PAMR1: variants seen among roughly 807,000 people sequenced by gnomAD.
The protein encoded by PAMR1 is peptidase domain containing associated with muscle regeneration 1.
A neutral mutation model predicts 81.8 loss-of-function variants in PAMR1; 88 were observed. That is an observed-to-expected ratio of 1.08 (90% confidence interval 0.91 to 1.28). PAMR1 has a LOEUF of 1.28. PAMR1 is among the 50% of genes most tolerant of loss of function. The pLI is 0.00. For missense variants in PAMR1, 935 were observed against 919.7 expected, an observed-to-expected ratio of 1.02 and a Z score of -0.21; for synonymous variants, 336 against 345.3, an observed-to-expected ratio of 0.97 and a Z score of 0.30.
chr11:35,483,304 T>C (rs990288335), intron 3 of PAMR1, among the ~76,000 whole-genome samples: 3 of 152,172 alleles, frequency 2.0e-5, no homozygotes, highest in Admixed American at 1.3e-4. Context: ...ACTACAAGAC[T>C]GGGAAGCTGT....
At chr11:35,488,516 C>T (rs146920585) in intron 3 of PAMR1, among the ~76,000 whole-genome samples, 5 of 151,012 alleles carry the variant, frequency 3.3e-5, no homozygotes, top group Admixed American at 6.6e-5. Flanking sequence ...CCACTGCACC[C>T]GGCCTTTCCC....
intron 4 of PAMR1, among the ~76,000 whole-genome samples, chr11:35,474,250 G>T (rs1402885847): frequency 2.0e-5 from 3 of 152,196 alleles, no homozygotes; most frequent in African/African-American, 7.2e-5. Context: ...ACAAGCATCA[G>T]CCCCAATCTA....
intron 7 of PAMR1, among the ~76,000 whole-genome samples, chr11:35,440,610 A>C (rs531980241): frequency 1.3e-5 from 2 of 152,318 alleles, no homozygotes; most frequent in Non-Finnish European, 2.9e-5. Context: ...CCTGCCCCCA[A>C]ATAGAGAGGA....
At chr11:35,523,923 G>GAAA (rs1851332876) in intron 1 of PAMR1, among the ~76,000 whole-genome samples, 1 of 152,292 alleles carries the variant, frequency 6.6e-6, no homozygotes, top group South Asian at 2.1e-4. Flanking sequence ...TCTGGGCTAG[G>GAAA]AAAAAGAGCC....
chr11:35,514,111 G>A (rs764854982), intron 1 of PAMR1, among the ~76,000 whole-genome samples: 11 of 152,088 alleles, frequency 7.2e-5, no homozygotes, highest in East Asian at 5.8e-4. Flanking sequence ...GGACAACCAC[G>A]GACAAGAAAC....
At chr11:35,432,959 G>T in intron 10 of PAMR1, 67 bp from the exon 11 acceptor site, 1 of 1,399,832 alleles carries the variant, frequency 7.1e-7, no homozygotes, top group African/African-American at 1.4e-5. Context: ...AACAGACAAG[G>T]CTTGGAGCTA....
intron 3 of PAMR1, among the ~76,000 whole-genome samples, chr11:35,483,799 T>A (rs1477604930): frequency 6.6e-6 from 1 of 152,234 alleles, no homozygotes; most frequent in Non-Finnish European, 1.5e-5. Context: ...TGAGCTATGA[T>A]TGATGAGTTC....
At chr11:35,439,744 C>G (rs1204382168) in intron 7 of PAMR1, 51 bp from the exon 8 acceptor site, 4 of 1,480,988 alleles carry the variant, frequency 2.7e-6, no homozygotes, top group Admixed American at 1.7e-5. Context: ...ATTCACTGTT[C>G]ATATCATTCA....
At chr11:35,522,123 T>C (rs574530375) in intron 1 of PAMR1, among the ~76,000 whole-genome samples, 13 of 152,236 alleles carry the variant, frequency 8.5e-5, no homozygotes, top group South Asian at 4.2e-4. Flanking sequence ...AGGGTTTCAC[T>C]GTGTTAGCCA....
chr11:35,434,506 T>A lies in PAMR1; in HGVS notation c.1626+6A>T. ...CCCCAGCTTCCAAGTGCAAGCCCTC[T>A]CTTACCTGTAGGCTCTGGATGGTCT... On this transcript the variant is annotated splice_donor_region_variant and intron_variant, in intron 10 of 10. Coordinates refer to ENST00000619888, the MANE Select transcript of PAMR1 (RefSeq NM_001001991.3). 1.2e-6 allele frequency: 2 copies of A among 1,610,762 alleles called. No individual in the cohort carries two copies. The highest frequency in any genetic ancestry group is 8.5e-7 in the Non-Finnish European group (1 of 1,177,480).
At chr11:35,448,854 GCTTT>G (rs1856352324) in intron 6 of PAMR1, among the ~76,000 whole-genome samples, 1 of 152,124 alleles carries the variant, frequency 6.6e-6, no homozygotes, top group Admixed American at 6.5e-5. Context: ...TGTTGTTGTT[GCTTT>G]CTGTTTTTCT....
In PAMR1 at chr11:35,468,053, T is replaced by C. The variant is rs377337992; in HGVS notation, c.768A>G (p.Gly256=). The C allele has an allele frequency of 6.0e-5, 93 of 1,561,788 alleles. 1 individual carries two copies. The Middle Eastern group carries it at 1.8e-3, about 31-fold the overall frequency. Residue 256 remains glycine, a synonymous_variant, in exon 6 of 11, where the codon GGA becomes GGG. Coordinates refer to ENST00000619888, the MANE Select transcript of PAMR1 (RefSeq NM_001001991.3). ...HDGTCVLDKA[G]SYKCACLAGY... ...CTGCCAAGCAGGCACACTTGTAAGA[T>C]CCAGCCTTGTCAAGGACGCACGTGC...
chr11:35,499,559 C>T (rs1376914651), intron 1 of PAMR1, among the ~76,000 whole-genome samples: 5 of 152,182 alleles, frequency 3.3e-5, no homozygotes, highest in Admixed American at 6.5e-5. Context: ...GCAGCAGATT[C>T]GTTCACCTCC....
At position 35,432,808 on chromosome 11, in the gene PAMR1, G is replaced by T. The variant is rs370534974; in HGVS notation, c.1711C>A (p.Arg571Ser). 6.2e-7 allele frequency: 1 copy of T among 1,607,768 alleles called. No individual in the cohort carries two copies. Among genetic ancestry groups the T allele is most frequent in the African/African-American group, 1.3e-5 (1 of 75,050 alleles). The part of the protein sequence containing the change: ...IAILKLLDKA[R>S]ISTRVQPICL... ...ATGGGCTGGACTCGGGTGCTGATAC[G>T]GGCCTTGTCTAGGAGCTTCAGGATG... is the stretch of plus-strand genomic sequence containing the variant. The change falls in exon 11 of 11, where the codon CGT becomes AGT. Residue 571 changes from arginine (R) to serine (S), a missense_variant. By Grantham distance (110) the Arg-to-Ser change is moderately radical. Transcript: ENST00000619888.
chr11:35,433,807 G>A (rs1855968903), intron 10 of PAMR1, among the ~76,000 whole-genome samples: 1 of 148,488 alleles, frequency 6.7e-6, no homozygotes, highest in Non-Finnish European at 1.5e-5. Flanking sequence ...TGGATGGATA[G>A]ATGGAGGGAT....
chr11:35,502,715 C>G (rs1850872637), intron 1 of PAMR1, among the ~76,000 whole-genome samples: 1 of 152,064 alleles, frequency 6.6e-6, no homozygotes, highest in Non-Finnish European at 1.5e-5. Context: ...GTTGTTTTAG[C>G]ACATTGTATC....
chr11:35,474,365 C>T (rs1392635537), intron 4 of PAMR1, among the ~76,000 whole-genome samples: 1 of 152,168 alleles, frequency 6.6e-6, no homozygotes, highest in Non-Finnish European at 1.5e-5. Context: ...TTAAGATTTG[C>T]GGATGGGTAG....
chr11:35,472,447 C>T (rs568676345), intron 4 of PAMR1, among the ~76,000 whole-genome samples: 13 of 152,306 alleles, frequency 8.5e-5, no homozygotes, highest in Middle Eastern at 3.4e-3. Flanking sequence ...CAGCTAGGCA[C>T]GTGCCGGCCC....
At chr11:35,453,925 T>G (rs1205558994) in intron 6 of PAMR1, among the ~76,000 whole-genome samples, 1 of 152,182 alleles carries the variant, frequency 6.6e-6, no homozygotes, top group East Asian at 1.9e-4. Context: ...AGAAACACAC[T>G]AGGTTTAGCA....
Sources: gnomAD v4.1 joint callset for allele counts (sites outside exome capture counted in the v4.1 genomes callset) on GRCh38, gnomAD v4.1.1 for gene constraint, MANE v1.5 for transcripts, NCBI Gene and HGNC (gene_info 2026-07-23, HGNC 2026-07-21) for gene names.